The following RALYL variants were observed in gnomAD, a reference collection of about 807,000 sequenced individuals.
The protein encoded by RALYL is RALY RNA binding protein like.
Under a neutral mutation model 35.1 loss-of-function variants are expected in RALYL, and 29 were observed. The ratio of observed to expected loss-of-function variants is 0.83; its 90% CI spans 0.61 to 1.13. The LOEUF is 1.13. Ranked by LOEUF, RALYL falls within the 50% of genes most tolerant of loss-of-function variation. The probability of loss-of-function intolerance (pLI) is 0.00; values close to 1 mark genes in which losing one functional copy is unlikely to be tolerated. For synonymous variants in RALYL, 120 were observed against 127.6 expected (o/e 0.94, Z 0.40); for missense variants, 359 against 360.4 (o/e 1.00, Z 0.03).
At chr8:84,655,981 G>A (rs1184351128) in intron 2 of RALYL, among the ~76,000 whole-genome samples, 1 of 152,034 alleles carries the variant, frequency 6.6e-6, no homozygotes, top group Admixed American at 6.6e-5. Context: ...ATACCTTATG[G>A]CATATATCTC....
At chr8:84,632,861 C>T (rs1013965713) in intron 2 of RALYL, among the ~76,000 whole-genome samples, 8 of 151,904 alleles carry the variant, frequency 5.3e-5, no homozygotes, top group Admixed American at 2.6e-4. Flanking sequence ...CTGCACATAG[C>T]CCCATGGCCT....
rs955838389 is a variant in RALYL, at chr8:84,586,204, A to G, written c.256+56627A>G. ...AGTGAGATGCGTCTCAAAAAAAAAA[A>G]AAAGAAAGAAAGAAAAATGTGATTT... On this transcript the variant is annotated intron_variant, in intron 2 of 8. Transcript: ENST00000521268. Among the ~76,000 whole-genome samples, 9 of 152,110 alleles carry G rather than the reference A, an allele frequency of 5.9e-5. No individual in the cohort carries two copies. In the East Asian group the frequency reaches 1.2e-3, roughly 20 times the overall value.
chr8:84,784,226 C>T lies in RALYL; in HGVS notation c.332+9572C>T, dbSNP rs556521049. On this transcript the variant is annotated intron_variant, in intron 3 of 8. Transcript: ENST00000521268. ...CATGCAGAGATGCTTTAGCAGCAGA[C>T]GGACCGTGTAACTTCTAACAATGAA... Among the ~76,000 whole-genome samples, 7 of 152,168 alleles carry T rather than the reference C, an allele frequency of 4.6e-5. 1 individual carries two copies. In the South Asian group the frequency reaches 8.3e-4, roughly 18 times the overall value.
intron 1 of RALYL, among the ~76,000 whole-genome samples, chr8:84,519,200 A>T (rs2058280798): frequency 6.6e-6 from 1 of 152,226 alleles, no homozygotes; most frequent in African/African-American, 2.4e-5. Context: ...GAAGGTGAAT[A>T]TACAGTTATA....
intron 1 of RALYL, among the ~76,000 whole-genome samples, chr8:84,467,448 C>T (rs1246084150): frequency 7.6e-5 from 10 of 130,794 alleles, no homozygotes; most frequent in African/African-American, 2.7e-4. Context: ...TGTAGTTGAG[C>T]AGCTTTGAGT....
intron 1 of RALYL, among the ~76,000 whole-genome samples, chr8:84,459,693 T>C (rs2050530534): frequency 6.6e-6 from 1 of 151,710 alleles, no homozygotes; most frequent in African/African-American, 2.4e-5. Context: ...ATTTTCTCTA[T>C]AAATAAAATT....
chr8:84,729,870 T>G (rs1349773066), intron 2 of RALYL, among the ~76,000 whole-genome samples: 2 of 152,044 alleles, frequency 1.3e-5, no homozygotes, highest in Admixed American at 6.6e-5. Context: ...AATAACAGGA[T>G]CTGAAATTGT....
At chr8:84,520,932 T>C (rs564829868) in intron 1 of RALYL, among the ~76,000 whole-genome samples, 19 of 152,234 alleles carry the variant, frequency 1.2e-4, no homozygotes, top group Middle Eastern at 3.4e-3. Flanking sequence ...AGAATAAATA[T>C]AGCAACAATC....
At chr8:84,738,371 C>G (rs1056867425) in intron 2 of RALYL, among the ~76,000 whole-genome samples, 2 of 151,980 alleles carry the variant, frequency 1.3e-5, no homozygotes, top group South Asian at 4.1e-4. Context: ...CAGTCAAGAC[C>G]ATAGAACCAC....
intron 1 of RALYL, among the ~76,000 whole-genome samples, chr8:84,335,914 C>T (rs1207180901): frequency 6.6e-6 from 1 of 151,962 alleles, no homozygotes; most frequent in Non-Finnish European, 1.5e-5. Flanking sequence ...ATTAAGTAAA[C>T]ATTTCCAGCT....
rs373932180 is a variant in RALYL at position 84,320,351 on chromosome 8, C to CATAT, written c.-24+135936_-24+135939dup. Among the ~76,000 whole-genome samples, 1,183 of 151,280 alleles carry CATAT rather than the reference C, an allele frequency of 7.8e-3. 19 individuals are homozygous for CATAT. The highest frequency in any genetic ancestry group is 0.026 in the African/African-American group (1,083 of 41,320). Reference sequence around the variant, plus strand: ...CCTTCTCTTGCTCTCTTTCTCTCACCATATATATATATGTATATCTTTCTC... The same window carrying CATAT: ...CCTTCTCTTGCTCTCTTTCTCTCACCATATATATATATATATGTATATCTTTCTC... On this transcript the variant is annotated intron_variant, in intron 1 of 8. Coordinates refer to ENST00000521268, the MANE Select transcript of RALYL (RefSeq NM_173848.7).
chr8:84,846,210 G>A (rs1157514382), intron 4 of RALYL, among the ~76,000 whole-genome samples: 1 of 152,158 alleles, frequency 6.6e-6, no homozygotes, highest in African/African-American at 2.4e-5. Context: ...GGATAGCATT[G>A]CATCTGTAAA....
intron 1 of RALYL, among the ~76,000 whole-genome samples, chr8:84,283,984 G>A (rs1043592428): frequency 5.9e-5 from 9 of 151,968 alleles, no homozygotes; most frequent in African/African-American, 2.2e-4. Flanking sequence ...AGCTATTGTA[G>A]AACAGTAAAT....
At chr8:84,425,505 G>A (rs925604331) in intron 1 of RALYL, among the ~76,000 whole-genome samples, 17 of 152,122 alleles carry the variant, frequency 1.1e-4, no homozygotes, top group South Asian at 4.1e-4. Flanking sequence ...GAAATCACCC[G>A]TCTTCTGCGT....
intron 1 of RALYL, among the ~76,000 whole-genome samples, chr8:84,523,530 T>G (rs2058638703): frequency 6.6e-6 from 1 of 152,090 alleles, no homozygotes; most frequent in Non-Finnish European, 1.5e-5. Context: ...TTTTTTTTAT[T>G]ATACTTTAAG....
intron 1 of RALYL, among the ~76,000 whole-genome samples, chr8:84,232,439 A>G (rs1356484731): frequency 6.6e-6 from 1 of 152,184 alleles, no homozygotes; most frequent in East Asian, 1.9e-4. Context: ...ATTTTAGCCT[A>G]TCCAATTCAA....
intron 1 of RALYL, among the ~76,000 whole-genome samples, chr8:84,313,317 C>G (rs540546256): frequency 6.6e-6 from 1 of 152,328 alleles, no homozygotes; most frequent in South Asian, 2.1e-4. Context: ...TGCCCTGAGA[C>G]ATGTTCTTCA....
At chr8:84,427,987 C>G (rs183694295) in intron 1 of RALYL, among the ~76,000 whole-genome samples, 1 of 152,156 alleles carries the variant, frequency 6.6e-6, no homozygotes, top group African/African-American at 2.4e-5. Context: ...CTGTATGTCT[C>G]AGATTCCTTA....
rs912677111 is a variant in RALYL, at chr8:84,388,292, G to A, written c.-23-141007G>A. Among the ~76,000 whole-genome samples, 8 of 151,968 alleles carry A rather than the reference G, an allele frequency of 5.3e-5. No homozygotes were observed. The East Asian group carries it at 5.8e-4, about 11-fold the overall frequency. On this transcript the variant is annotated intron_variant, in intron 1 of 8. Coordinates refer to ENST00000521268, the MANE Select transcript of RALYL (RefSeq NM_173848.7). ...AGTCTTTGCTATTGTGATTAGTGCCGCAATAAACATATGTGTGCATGTGTC... is the reference window on the plus strand; with the variant it reads ...AGTCTTTGCTATTGTGATTAGTGCCACAATAAACATATGTGTGCATGTGTC...
Sources: gnomAD v4.1 joint callset for allele counts (sites outside exome capture counted in the v4.1 genomes callset) on GRCh38, gnomAD v4.1.1 for gene constraint, MANE v1.5 for transcripts, NCBI Gene and HGNC (gene_info 2026-07-23, HGNC 2026-07-21) for gene names.